The following DIP2C variants were observed in gnomAD, a reference collection of about 807,000 sequenced individuals.
DIP2C encodes the protein disco-interacting protein 2 homolog C.
DIP2C carries 33 observed loss-of-function variants against 192.4 expected under a neutral mutation model. That is an observed-to-expected ratio of 0.17 (90% CI 0.13 to 0.23). DIP2C has a LOEUF of 0.23. Ranked by LOEUF, DIP2C falls within the 10% of genes least tolerant of loss-of-function variation. The pLI, the probability that DIP2C is intolerant of heterozygous loss-of-function variation, is 1.00. For missense variants in DIP2C, 1,537 were observed against 2,110.1 expected, an observed-to-expected ratio of 0.73 and a Z score of 5.32; for synonymous variants, 979 against 864.1, an observed-to-expected ratio of 1.13 and a Z score of -2.33.
intron 29 of DIP2C, among the ~76,000 whole-genome samples, chr10:336,080 T>C (rs1957755768): frequency 6.6e-6 from 1 of 152,084 alleles, no homozygotes; most frequent in Non-Finnish European, 1.5e-5. Context: ...AAAAAAATGT[T>C]TTTGTAGGCT....
intron 1 of DIP2C, among the ~76,000 whole-genome samples, chr10:607,344 C>A (rs1852567083): frequency 6.6e-6 from 1 of 152,078 alleles, no homozygotes; most frequent in Middle Eastern, 3.2e-3. Flanking sequence ...TAAGAAGGCA[C>A]AGACTTCATT....
At chr10:544,046 C>T (rs529860231) in intron 1 of DIP2C, among the ~76,000 whole-genome samples, 8 of 152,362 alleles carry the variant, frequency 5.3e-5, no homozygotes, top group East Asian at 1.9e-4. Flanking sequence ...GCATCTTTCA[C>T]GTTCAAGGTG....
intron 1 of DIP2C, among the ~76,000 whole-genome samples, chr10:684,369 C>T (rs778467704): frequency 8.5e-5 from 13 of 152,364 alleles, no homozygotes; most frequent in East Asian, 1.9e-4. Flanking sequence ...GATGTAACAA[C>T]GCTACCTGGC....
chr10:343,406 C>T (rs1019765058), intron 28 of DIP2C, among the ~76,000 whole-genome samples: 2 of 152,220 alleles, frequency 1.3e-5, no homozygotes, highest in African/African-American at 4.8e-5. Context: ...GGCTCCCCAT[C>T]ATTCATTCAT....
intron 34 of DIP2C, among the ~76,000 whole-genome samples, chr10:283,814 G>C (rs1954961379): frequency 6.6e-6 from 1 of 152,026 alleles, no homozygotes; most frequent in South Asian, 2.1e-4. Flanking sequence ...CAAGAACAAT[G>C]CTGAAAAGCT....
intron 1 of DIP2C, among the ~76,000 whole-genome samples, chr10:613,497 T>C (rs1199605637): frequency 6.6e-6 from 1 of 152,250 alleles, no homozygotes; most frequent in Non-Finnish European, 1.5e-5. Flanking sequence ...CTGGTTCCAC[T>C]GGTTTTTCTT....
chr10:626,629 T>C (rs893901603), intron 1 of DIP2C, among the ~76,000 whole-genome samples: 1 of 151,904 alleles, frequency 6.6e-6, no homozygotes, highest in Non-Finnish European at 1.5e-5. Flanking sequence ...CCCAGAGGCA[T>C]TCCGGCCTAT....
chr10:683,710 C>T (rs1475273485), intron 1 of DIP2C, among the ~76,000 whole-genome samples: 2 of 152,146 alleles, frequency 1.3e-5, no homozygotes, highest in Non-Finnish European at 2.9e-5. Flanking sequence ...ATGGGACTGA[C>T]GGGGCCCTGG....
chr10:589,065 A>G (rs1407164748), intron 1 of DIP2C, among the ~76,000 whole-genome samples: 1 of 152,106 alleles, frequency 6.6e-6, no homozygotes, highest in Non-Finnish European at 1.5e-5. Context: ...GCTGCAATGC[A>G]CATCTCGCTG....
intron 17 of DIP2C, among the ~76,000 whole-genome samples, chr10:380,432 CGCA>C (rs1428438865): frequency 4.7e-5 from 7 of 149,044 alleles, no homozygotes; most frequent in African/African-American, 1.7e-4. Context: ...ATGTTTAACA[CGCA>C]GAAGAGGCTG....
Position 422,980 on chromosome 10 carries a change from T to A in DIP2C, c.448A>T (p.Thr150Ser). The part of the protein sequence containing the change: ...EGSVQGDSQG[T>S]PTSSQGSINM... ...ATGCTGCCCTGGCTGGAGGTGGGGGTGCCCTGGGAGTCCCCCTGCACTGAG... is the reference window on the plus strand; with the variant it reads ...ATGCTGCCCTGGCTGGAGGTGGGGGAGCCCTGGGAGTCCCCCTGCACTGAG... The change falls in exon 5 of 37, where the codon ACC becomes TCC. Residue 150 changes from threonine to serine, a missense_variant. Thr to Ser is a moderately conservative substitution (Grantham distance 58). This residue lies in a region of DIP2C where 473 missense variants were observed against 539.6 expected (regional missense o/e 0.88). Coordinates refer to ENST00000280886, the MANE Select transcript of DIP2C (RefSeq NM_014974.3). 6.2e-7 allele frequency: 1 copy of A among 1,613,918 alleles called. No individual in the cohort carries two copies.
At chr10:553,929 T>C (rs1329457686) in intron 1 of DIP2C, among the ~76,000 whole-genome samples, 2 of 147,798 alleles carry the variant, frequency 1.4e-5, no homozygotes, top group Non-Finnish European at 3.0e-5. Flanking sequence ...GTAACAGTGG[T>C]GAACAGGCAA....
At chr10:644,672 C>T (rs1388169817) in intron 1 of DIP2C, among the ~76,000 whole-genome samples, 3 of 151,322 alleles carry the variant, frequency 2.0e-5, no homozygotes, top group South Asian at 2.1e-4. Flanking sequence ...AAATCTCAGA[C>T]GTAGGGTTCA....
At chr10:656,862 G>A (rs1457905658) in intron 1 of DIP2C, among the ~76,000 whole-genome samples, 2 of 152,222 alleles carry the variant, frequency 1.3e-5, no homozygotes, top group African/African-American at 2.4e-5. Context: ...GCCTCTCACA[G>A]AAAGGCAGAG....
chr10:540,230 G>A (rs576285194), intron 1 of DIP2C, among the ~76,000 whole-genome samples: 4 of 152,362 alleles, frequency 2.6e-5, no homozygotes, highest in East Asian at 1.9e-4. Context: ...GACACTAGAC[G>A]GTAACCGCCA....
At chr10:364,875 C>T (rs1960000975) in intron 19 of DIP2C, 2 of 622,666 alleles carry the variant, frequency 3.2e-6, no homozygotes, top group East Asian at 3.5e-5. Flanking sequence ...TCACAGGAGG[C>T]CAATCAGCAG....
At chr10:327,492 G>A (rs940347396) in intron 30 of DIP2C, among the ~76,000 whole-genome samples, 8 of 152,202 alleles carry the variant, frequency 5.3e-5, no homozygotes, top group Non-Finnish European at 8.8e-5. Flanking sequence ...AAGGCCGTTC[G>A]GGAAAAGAGA....
At chr10:482,262 T>C (rs1843666803) in intron 2 of DIP2C, among the ~76,000 whole-genome samples, 1 of 152,138 alleles carries the variant, frequency 6.6e-6, no homozygotes, top group African/African-American at 2.4e-5. Flanking sequence ...TATTTGTGAT[T>C]TGACTCAACA....
intron 3 of DIP2C, among the ~76,000 whole-genome samples, chr10:447,237 TCA>T (rs1174004787): frequency 6.9e-6 from 1 of 145,540 alleles, no homozygotes; most frequent in Non-Finnish European, 1.5e-5. Flanking sequence ...ATACTCAGGA[TCA>T]CACACAGTGG....
Sources: gnomAD v4.1 joint callset for allele counts (sites outside exome capture counted in the v4.1 genomes callset) on GRCh38, gnomAD v4.1.1 for gene constraint, gnomAD v4.1.1 regional missense constraint, MANE v1.5 for transcripts, NCBI Gene and HGNC (gene_info 2026-07-23, HGNC 2026-07-21) for gene names.